Variants in NTF3 observed in about 807,000 individuals in gnomAD.
NTF3 encodes the protein neurotrophin 3.
NTF3 carries 8 observed loss-of-function variants against 26.3 expected under a neutral mutation model. That is an observed-to-expected ratio of 0.30 (90% confidence interval 0.18 to 0.55). NTF3 has a LOEUF of 0.55. Ranked by LOEUF, NTF3 falls within the 20% of genes least tolerant of loss-of-function variation. The pLI is 0.93. For missense variants in NTF3, 276 were observed against 352.9 expected, an observed-to-expected ratio of 0.78 and a Z score of 1.75; for synonymous variants, 154 against 145.5, an observed-to-expected ratio of 1.06 and a Z score of -0.42.
At chr12:5,465,559 C>G (rs1474761753) in intron 1 of NTF3, among the ~76,000 whole-genome samples, 1 of 152,258 alleles carries the variant, frequency 6.6e-6, no homozygotes, top group Non-Finnish European at 1.5e-5. Flanking sequence ...GCAGTGTGCA[C>G]AGCAGGCATA....
chr12:5,434,121 C>A (rs1471081815), intron 1 of NTF3, among the ~76,000 whole-genome samples: 1 of 152,154 alleles, frequency 6.6e-6, no homozygotes, highest in Non-Finnish European at 1.5e-5. Context: ...GCCTGCCTCC[C>A]GCCTGCCCTC....
At chr12:5,466,389 A>G (rs571432006) in intron 1 of NTF3, among the ~76,000 whole-genome samples, 88 of 152,366 alleles carry the variant, frequency 5.8e-4, no homozygotes, top group African/African-American at 2.1e-3. Context: ...CATTTTGTAC[A>G]GTCGAGTTCT....
At chr12:5,445,224 A>T (rs1215374736) in intron 1 of NTF3, among the ~76,000 whole-genome samples, 2 of 150,998 alleles carry the variant, frequency 1.3e-5, no homozygotes, top group Non-Finnish European at 2.9e-5. Context: ...TTTCTTGGGC[A>T]TATGAAGGGG....
Position 5,495,205 on chromosome 12 carries a change from C to T in NTF3, c.*217C>T, listed in dbSNP as rs1940993831. 3.7e-6 allele frequency: 2 copies of T among 547,256 alleles called. No homozygotes were observed. The highest frequency in any genetic ancestry group is 6.5e-6 in the Non-Finnish European group (2 of 305,350). The allele number at this position is 547,256 out of a possible 1,614,324, so 33.9% of individuals were successfully genotyped here. A position where few individuals can be genotyped will look rare whatever the true frequency, so the allele number is the denominator to read the frequency against. Reference sequence around the variant, plus strand: ...TTAAAACTTGTTTTGTGATCCGGCTCTCAGGAGTCACTCTGTAAAATCTGT... The same window carrying T: ...TTAAAACTTGTTTTGTGATCCGGCTTTCAGGAGTCACTCTGTAAAATCTGT... On this transcript the variant is annotated 3_prime_UTR_variant, in exon 2 of 2. Transcript: ENST00000423158.
chr12:5,469,686 G>A (rs1049991416), intron 1 of NTF3, among the ~76,000 whole-genome samples: 2 of 152,164 alleles, frequency 1.3e-5, no homozygotes, highest in African/African-American at 4.8e-5. Flanking sequence ...ACAGATCTTA[G>A]GGAATGTGTC....
At chr12:5,458,750 C>T (rs1054866216) in intron 1 of NTF3, among the ~76,000 whole-genome samples, 12 of 152,206 alleles carry the variant, frequency 7.9e-5, no homozygotes, top group Admixed American at 5.2e-4. Flanking sequence ...CCTTCCCACA[C>T]GGAGCTTATT....
At chr12:5,483,781 G>A (rs1940835364) in intron 1 of NTF3, among the ~76,000 whole-genome samples, 1 of 152,202 alleles carries the variant, frequency 6.6e-6, no homozygotes, top group Non-Finnish European at 1.5e-5. Context: ...AGGATGTGCA[G>A]GAACATGGAG....
rs1465751632 is a variant in NTF3 at position 5,433,772 on chromosome 12, C to T, written c.18+1430C>T. Among the ~76,000 whole-genome samples, 1 of 151,530 alleles carries T rather than the reference C, an allele frequency of 6.6e-6. No individual in the cohort carries two copies. Among genetic ancestry groups the T allele is most frequent in the Non-Finnish European group, 1.5e-5 (1 of 67,868 alleles). On this transcript the variant is annotated intron_variant, in intron 1 of 1. Coordinates refer to ENST00000423158, the MANE Select transcript of NTF3 (RefSeq NM_001102654.2). This position sits in a 1 kb window ranked among gnomAD's most constrained non-coding sequence, Gnocchi z 4.6. ...CGAATGGAGGTTGCTCCCGGGAGCGCCGGGCTCAGAGCTAGAGAGCTCGGG... is the reference window on the plus strand; with the variant it reads ...CGAATGGAGGTTGCTCCCGGGAGCGTCGGGCTCAGAGCTAGAGAGCTCGGG...
intron 1 of NTF3, among the ~76,000 whole-genome samples, chr12:5,437,568 A>G (rs1209533570): frequency 1.3e-5 from 2 of 152,152 alleles, no homozygotes; most frequent in Non-Finnish European, 2.9e-5. Context: ...AAGTCTGTGC[A>G]TTGCCTGGAA....
intron 1 of NTF3, among the ~76,000 whole-genome samples, chr12:5,437,016 CA>C: frequency 6.6e-6 from 1 of 152,298 alleles, no homozygotes. Flanking sequence ...AAAAGAAGAG[CA>C]AAGTCTAGCC....
intron 1 of NTF3, among the ~76,000 whole-genome samples, chr12:5,441,107 C>T (rs1183837193): frequency 6.6e-6 from 1 of 152,180 alleles, no homozygotes; most frequent in Non-Finnish European, 1.5e-5. Context: ...AGATCCCAAA[C>T]TCTGCAGAGA....
At chr12:5,485,862 A>C (rs1274947489) in intron 1 of NTF3, among the ~76,000 whole-genome samples, 1 of 152,214 alleles carries the variant, frequency 6.6e-6, no homozygotes, top group African/African-American at 2.4e-5. Context: ...AGAGACTCAG[A>C]AAAGCACCAG....
intron 1 of NTF3, among the ~76,000 whole-genome samples, chr12:5,441,849 T>C (rs1940241225): frequency 6.6e-6 from 1 of 152,230 alleles, no homozygotes; most frequent in Admixed American, 6.5e-5. Context: ...CAGCGCTTGG[T>C]GGCCAGAAAA....
intron 1 of NTF3, 195 bp downstream of exon 1, chr12:5,432,537 G>T (rs1341371157): frequency 1.3e-5 from 2 of 155,456 alleles, no homozygotes; most frequent in African/African-American, 5.0e-5. Flanking sequence ...AGGCCGAAGC[G>T]CAACCGCAGC....
chr12:5,444,530 G>A (rs1565384866), intron 1 of NTF3, among the ~76,000 whole-genome samples: 4 of 152,290 alleles, frequency 2.6e-5, no homozygotes, highest in South Asian at 2.1e-4. Context: ...GAGAAGTTCC[G>A]TGGGAGGAGA....
intron 1 of NTF3, among the ~76,000 whole-genome samples, chr12:5,475,184 A>C (rs757295062): frequency 2.0e-5 from 3 of 152,198 alleles, no homozygotes; most frequent in Non-Finnish European, 4.4e-5. Flanking sequence ...TTGGAGAAGA[A>C]TATGGAAAGA....
rs183320451 is a variant in NTF3, at chr12:5,492,859, T to A, written c.19-1335T>A. Among the ~76,000 whole-genome samples the A allele has an allele frequency of 1.5e-3, 226 of 152,348 alleles. 4 individuals carry two copies. The highest frequency in any genetic ancestry group is 4.9e-4 in the Non-Finnish European group (33 of 68,024). On this transcript the variant is annotated intron_variant, in intron 1 of 1. Coordinates refer to ENST00000423158, the MANE Select transcript of NTF3 (RefSeq NM_001102654.2). ...AGACATAGGTGCTGGTTAGCAGGAC[T>A]GCTTTTCTGTTTCTTGTGTCGGCTT...
intron 1 of NTF3, among the ~76,000 whole-genome samples, chr12:5,452,699 G>A (rs56230559): frequency 0.033 from 5,051 of 152,262 alleles, 102 homozygotes; most frequent in Non-Finnish European, 0.048. Flanking sequence ...ACAGGATAGC[G>A]GAAAGGCACA....
chr12:5,475,640 G>T (rs979873017), intron 1 of NTF3, among the ~76,000 whole-genome samples: 1 of 152,024 alleles, frequency 6.6e-6, no homozygotes, highest in African/African-American at 2.4e-5. Context: ...TTTGAGACCA[G>T]CCTGTGCAAC....
Sources: allele counts gnomAD v4.1 joint callset (sites outside exome capture counted in the v4.1 genomes callset), GRCh38; gene constraint gnomAD v4.1.1; non-coding constraint Gnocchi (gnomAD v3.1); transcripts MANE v1.5; gene names NCBI Gene and HGNC (gene_info 2026-07-23, HGNC 2026-07-21).